SLK: variants seen among roughly 807,000 people sequenced by gnomAD.
SLK encodes STE20 like kinase, also known as STE20-like serine/threonine-protein kinase.
Under a neutral mutation model 147.7 loss-of-function variants are expected in SLK, and 67 were observed. The ratio of observed to expected loss-of-function variants is 0.45; its 90% CI spans 0.37 to 0.56. SLK has a LOEUF of 0.56. SLK is among the 20% of genes least tolerant of loss of function. The probability of loss-of-function intolerance (pLI) is 0.00; values close to 1 mark genes in which losing one functional copy is unlikely to be tolerated. For missense variants in SLK, 1,136 were observed against 1,438.8 expected, an observed-to-expected ratio of 0.79 and a Z score of 3.41; for synonymous variants, 441 against 475.0, an observed-to-expected ratio of 0.93 and a Z score of 0.93.
chr10:104,007,100 TTGAATC>T (rs1335462739), intron 11 of SLK, among the ~76,000 whole-genome samples: 6 of 152,094 alleles, frequency 3.9e-5, no homozygotes, highest in African/African-American at 1.4e-4. Flanking sequence ...ATGTGGAAGA[TTGAATC>T]TGAAAATGAC....
In SLK at chr10:103,984,745, C is replaced by T. The variant is rs558171275; in HGVS notation, c.151-5930C>T. ...TCTTTCTTATTAGTTTACTTTTTCC[C>T]ACAGTACTAATTGCTAATATACTGA... On this transcript the variant is annotated intron_variant, in intron 1 of 18. Transcript: ENST00000369755. Among the ~76,000 whole-genome samples, 4 of 152,268 alleles carry T rather than the reference C, an allele frequency of 2.6e-5. No homozygotes were observed. The East Asian group carries it at 7.7e-4, about 29-fold the overall frequency.
Position 103,967,473 on chromosome 10 carries a change from G to T in SLK, c.-273G>T, listed in dbSNP as rs1337272791. On this transcript the variant is annotated 5_prime_UTR_variant, in exon 1 of 19. Transcript: ENST00000369755. ...GGGAGCGAGCTTGCGGGCAGGTGCC[G>T]CTCCCGGAGGGTGGGCCGGAGGCGA... 1 of 150,474 alleles carries T rather than the reference G, an allele frequency of 6.6e-6. No individual in the cohort carries two copies. The highest frequency in any genetic ancestry group is 1.5e-5 in the Non-Finnish European group (1 of 67,550). 9.3% of individuals were successfully genotyped at this position (150,474 alleles called of 1,614,324 possible).
rs375037120 is a variant in SLK, at chr10:104,003,515, G to T, written c.2337G>T (p.Ser779=). The T allele has an allele frequency of 6.4e-7, 1 of 1,572,944 alleles. No individual in the cohort carries two copies. The highest frequency in any genetic ancestry group is 8.6e-7 in the Non-Finnish European group (1 of 1,161,840). Reference sequence around the variant, plus strand: ...TAAGTAAAACTAAAGACAGTGGATCGATATCTTTACAAGTAAGTGTACATG... The same window carrying T: ...TAAGTAAAACTAAAGACAGTGGATCTATATCTTTACAAGTAAGTGTACATG... ...SFLSKTKDSG[S]ISLQETRRQK... Residue 779 remains serine, a synonymous_variant, in exon 9 of 19, where the codon TCG becomes TCT. Transcript: ENST00000369755.
At chr10:103,979,544 C>G (rs1216745076) in intron 1 of SLK, among the ~76,000 whole-genome samples, 3 of 152,102 alleles carry the variant, frequency 2.0e-5, no homozygotes, top group Non-Finnish European at 4.4e-5. Context: ...TTAAATTAAC[C>G]TTGATAGAAT....
chr10:103,999,833 G>A (rs935864421), intron 6 of SLK, 34 bp from the exon 7 acceptor site: 3 of 895,780 alleles, frequency 3.3e-6, no homozygotes, highest in African/African-American at 1.7e-5. Flanking sequence ...TAACAAGAAA[G>A]TAAAATAGAA....
chr10:103,967,267 A>C lies in SLK; in HGVS notation c.-479A>C, dbSNP rs917826183. On this transcript the variant is annotated 5_prime_UTR_variant, in exon 1 of 19. Coordinates refer to ENST00000369755, the MANE Select transcript of SLK (RefSeq NM_014720.4). ...GCGCCGCGGGAGCGGACGGCGGCGG[A>C]GGAGACCCTAGGCTCGCGGCCCGAG... 6.6e-6 allele frequency: 1 copy of C among 150,610 alleles called. No individual in the cohort carries two copies. The highest frequency in any genetic ancestry group is 2.4e-5 in the African/African-American group (1 of 41,150). The allele number at this position is 150,610 out of a possible 1,614,324, so 9.3% of individuals were successfully genotyped here.
chr10:103,985,570 TG>T (rs145303815), intron 1 of SLK, among the ~76,000 whole-genome samples: 32,309 of 151,958 alleles, frequency 0.21, 3,755 homozygotes, highest in African/African-American at 0.31. Context: ...TTTTATTCCT[TG>T]TTTTTTAGAT....
chr10:103,992,141 G>GTTCTTTTTTTT (rs1844102570), intron 2 of SLK, among the ~76,000 whole-genome samples: 1 of 91,792 alleles, frequency 1.1e-5, no homozygotes, highest in Non-Finnish European at 2.1e-5. Context: ...TATTTCTTCT[G>GTTCTTTTTTTT]TTTTTTTTTT....
chr10:103,989,825 T>G (rs1214033365), intron 1 of SLK, among the ~76,000 whole-genome samples: 1 of 152,120 alleles, frequency 6.6e-6, no homozygotes. Context: ...ATCCAGCAGT[T>G]GTACTCCTTG....
At chr10:103,984,431 T>C (rs1167576069) in intron 1 of SLK, among the ~76,000 whole-genome samples, 2 of 152,178 alleles carry the variant, frequency 1.3e-5, no homozygotes, top group Non-Finnish European at 2.9e-5. Context: ...TTATGTTTTT[T>C]GAGACAGAGT....
chr10:103,998,187 G>A (rs994606677), intron 4 of SLK, among the ~76,000 whole-genome samples: 1 of 152,164 alleles, frequency 6.6e-6, no homozygotes, highest in Admixed American at 6.6e-5. Context: ...CATTTATTGA[G>A]TGTATACTCT....
intron 1 of SLK, among the ~76,000 whole-genome samples, chr10:103,985,227 C>G (rs749906866): frequency 6.6e-6 from 1 of 152,038 alleles, no homozygotes; most frequent in Non-Finnish European, 1.5e-5. Context: ...TAGTACTATC[C>G]AAGGTTTCCA....
intron 8 of SLK, 141 bp downstream of exon 8, chr10:104,001,713 G>C: frequency 3.4e-6 from 3 of 878,994 alleles, no homozygotes; most frequent in Non-Finnish European, 5.3e-6. Flanking sequence ...GTTGCTCGTC[G>C]CTGCACATTT....
intron 1 of SLK, among the ~76,000 whole-genome samples, chr10:103,968,569 C>T (rs1053183005): frequency 6.6e-6 from 1 of 152,146 alleles, no homozygotes. Context: ...AGAGGCTTGG[C>T]GTTTCAACCT....
rs1844215352 is a variant in SLK, at chr10:103,999,323, T to G, written c.782+10T>G. The G allele has an allele frequency of 2.5e-6, 4 of 1,577,724 alleles. No individual in the cohort carries two copies. Among genetic ancestry groups the G allele is most frequent in the Non-Finnish European group, 3.4e-6 (4 of 1,165,326 alleles). ...CACAGCCATCCAGATGGTAAAAATATTCTTAAAAAAGCTTAATAAGAAACA... is the reference window on the plus strand; with the variant it reads ...CACAGCCATCCAGATGGTAAAAATAGTCTTAAAAAAGCTTAATAAGAAACA... On this transcript the variant is annotated intron_variant, in intron 6 of 18. Coordinates refer to ENST00000369755, the MANE Select transcript of SLK (RefSeq NM_014720.4).
intron 1 of SLK, among the ~76,000 whole-genome samples, chr10:103,986,979 G>A (rs943525738): frequency 6.6e-6 from 1 of 152,110 alleles, no homozygotes; most frequent in Non-Finnish European, 1.5e-5. Flanking sequence ...CCTGGCCTAT[G>A]TGAAGAGTTT....
chr10:104,000,596 C>A (rs1051767300), intron 7 of SLK, among the ~76,000 whole-genome samples: 1 of 152,192 alleles, frequency 6.6e-6, no homozygotes, highest in African/African-American at 2.4e-5. Context: ...CTGCGACAGA[C>A]ACTGTTAAAT....
At chr10:104,018,367 C>A in intron 14 of SLK, 78 bp downstream of exon 14, 1 of 1,360,596 alleles carries the variant, frequency 7.3e-7, no homozygotes, top group Admixed American at 2.4e-5. Flanking sequence ...AACATATAAC[C>A]CTTAAAATTT....
intron 13 of SLK, among the ~76,000 whole-genome samples, chr10:104,016,089 T>A (rs369068385): frequency 6.6e-6 from 1 of 151,990 alleles, no homozygotes; most frequent in Non-Finnish European, 1.5e-5. Flanking sequence ...GAGGCCGAGG[T>A]GGGCGAATCA....
Sources: gnomAD v4.1 joint callset for allele counts (sites outside exome capture counted in the v4.1 genomes callset) on GRCh38, gnomAD v4.1.1 for gene constraint, MANE v1.5 for transcripts, NCBI Gene and HGNC (gene_info 2026-07-23, HGNC 2026-07-21) for gene names.